The following HS2ST1 variants were observed in gnomAD, a reference collection of about 807,000 sequenced individuals.
HS2ST1 encodes the protein 2-O-sulfotransferase.
A neutral mutation model predicts 42.9 loss-of-function variants in HS2ST1; 18 were observed. The ratio of observed to expected loss-of-function variants is 0.42; its 90% confidence interval spans 0.29 to 0.62. HS2ST1 has a LOEUF of 0.62. HS2ST1 is among the 20% of genes least tolerant of loss of function. The pLI is 0.21. For synonymous variants in HS2ST1, 146 were observed against 152.9 expected (o/e 0.95, Z 0.33); for missense variants, 334 against 433.8 (o/e 0.77, Z 2.04).
chr1:87,050,611 T>C (rs1329789726), intron 1 of HS2ST1, among the ~76,000 whole-genome samples: 1 of 152,106 alleles, frequency 6.6e-6, no homozygotes, highest in Non-Finnish European at 1.5e-5. Context: ...ATCTTCTGTT[T>C]GTTATTGATT....
chr1:86,999,133 G>A (rs1483094470), intron 1 of HS2ST1, among the ~76,000 whole-genome samples: 1 of 152,102 alleles, frequency 6.6e-6, no homozygotes, highest in Non-Finnish European at 1.5e-5. Flanking sequence ...GAATATCTTA[G>A]AGGCTGATAT....
chr1:87,087,081 G>A (rs759597387), intron 3 of HS2ST1, among the ~76,000 whole-genome samples: 1 of 151,886 alleles, frequency 6.6e-6, no homozygotes, highest in East Asian at 1.9e-4. Flanking sequence ...AGTTCATGAA[G>A]TTTTATTATA....
intron 1 of HS2ST1, among the ~76,000 whole-genome samples, chr1:86,978,691 T>C (rs1037369772): frequency 3.9e-5 from 6 of 152,076 alleles, no homozygotes; most frequent in African/African-American, 1.4e-4. Context: ...ACATTCCAAC[T>C]GAATAATTAC....
chr1:86,936,933 TAAAAAA>T (rs60940882), intron 1 of HS2ST1, among the ~76,000 whole-genome samples: 1 of 98,402 alleles, frequency 1.0e-5, no homozygotes, highest in African/African-American at 3.8e-5. Flanking sequence ...CCGTCTCTAC[TAAAAAA>T]AAAAAAAAAA....
chr1:87,077,031 A>G (rs1651563302), intron 2 of HS2ST1, among the ~76,000 whole-genome samples: 1 of 152,182 alleles, frequency 6.6e-6, no homozygotes. Context: ...TATGCTAATC[A>G]CTGGTTAAAA....
At chr1:87,075,332 A>G (rs1322645750) in intron 2 of HS2ST1, among the ~76,000 whole-genome samples, 1 of 151,676 alleles carries the variant, frequency 6.6e-6, no homozygotes, top group Non-Finnish European at 1.5e-5. Flanking sequence ...ACGCCCAGCT[A>G]ATTTTTGTAT....
At chr1:86,942,108 C>T (rs932200231) in intron 1 of HS2ST1, among the ~76,000 whole-genome samples, 1 of 152,162 alleles carries the variant, frequency 6.6e-6, no homozygotes, top group Non-Finnish European at 1.5e-5. Context: ...AAAATGCTTG[C>T]AAACCTAGGC....
At position 86,985,439 on chromosome 1, in the gene HS2ST1, T is replaced by C. The variant is rs1276795035; in HGVS notation, c.124+70279T>C. Among the ~76,000 whole-genome samples, 227 of 36,388 alleles carry C rather than the reference T, an allele frequency of 6.2e-3. 69 individuals carry two copies. Among genetic ancestry groups the C allele is most frequent in the East Asian group, 0.039 (7 of 178 alleles). 23.9% of individuals were successfully genotyped at this position (36,388 alleles called of 152,430 possible). A position where few individuals can be genotyped will look rare whatever the true frequency, so the allele number is the denominator to read the frequency against. On this transcript the variant is annotated intron_variant, in intron 1 of 6. Coordinates refer to ENST00000370550, the MANE Select transcript of HS2ST1 (RefSeq NM_012262.4). Reference sequence around the variant, plus strand: ...ATATATACACATATATACACACATATATACACATATATACACACATATATA... The same window carrying C: ...ATATATACACATATATACACACATACATACACATATATACACACATATATA...
intron 1 of HS2ST1, among the ~76,000 whole-genome samples, chr1:87,015,348 G>GTTTTT (rs35791774): frequency 2.3e-5 from 3 of 131,772 alleles, no homozygotes; most frequent in African/African-American, 8.7e-5. Flanking sequence ...GCCTGGCCCT[G>GTTTTT]TTTTTTTTTT....
At chr1:86,951,244 G>A (rs1241658822) in intron 1 of HS2ST1, among the ~76,000 whole-genome samples, 1 of 152,136 alleles carries the variant, frequency 6.6e-6, no homozygotes, top group Non-Finnish European at 1.5e-5. Context: ...CTTAAAGCTA[G>A]GCAACTGTAG....
rs1267938301 is a variant in HS2ST1, at chr1:86,931,453, A to T, written c.124+16293A>T. Among the ~76,000 whole-genome samples, 3 of 152,036 alleles carry T rather than the reference A, an allele frequency of 2.0e-5. 1 individual carries two copies. The highest frequency in any genetic ancestry group is 4.4e-5 in the Non-Finnish European group (3 of 67,954). On this transcript the variant is annotated intron_variant, in intron 1 of 6. Transcript: ENST00000370550. ...GATCTCTATATGTAACCCTTACTTC[A>T]GATTCTGAGGTAATTTGGAGTGATA... is the stretch of plus-strand genomic sequence containing the variant.
At chr1:87,057,251 C>G (rs965515876) in intron 1 of HS2ST1, among the ~76,000 whole-genome samples, 2 of 152,012 alleles carry the variant, frequency 1.3e-5, no homozygotes, top group Non-Finnish European at 2.9e-5. Context: ...CTAGATGTAA[C>G]CCACATAAAC....
At chr1:87,067,200 T>C (rs6685983) in intron 1 of HS2ST1, among the ~76,000 whole-genome samples, 152,208 of 152,208 alleles carry the variant, frequency 1, 76,104 homozygotes, top group Non-Finnish European at 1. Context: ...AGTGTAAAAG[T>C]GTTCCTATTT....
chr1:87,019,883 T>C (rs563286940), intron 1 of HS2ST1, among the ~76,000 whole-genome samples: 128 of 152,330 alleles, frequency 8.4e-4, no homozygotes, highest in Non-Finnish European at 1.3e-3. Flanking sequence ...ACAGAGTGTG[T>C]TTGTGCTGTC....
chr1:86,961,861 C>G (rs895631142), intron 1 of HS2ST1, among the ~76,000 whole-genome samples: 3 of 152,096 alleles, frequency 2.0e-5, no homozygotes, highest in African/African-American at 7.2e-5. Flanking sequence ...AGGAATCATA[C>G]AATTTGTGAC....
intron 1 of HS2ST1, among the ~76,000 whole-genome samples, chr1:87,002,619 A>G (rs1362116250): frequency 6.6e-6 from 1 of 151,626 alleles, no homozygotes; most frequent in Non-Finnish European, 1.5e-5. Flanking sequence ...CAAAAAAAAA[A>G]AAAAGAAAAA....
At chr1:87,020,105 TA>T (rs1649897844) in intron 1 of HS2ST1, among the ~76,000 whole-genome samples, 1 of 152,232 alleles carries the variant, frequency 6.6e-6, no homozygotes, top group Non-Finnish European at 1.5e-5. Context: ...TTGGCCTTTT[TA>T]TTACGTGACA....
At chr1:87,060,609 A>G (rs2100622606) in intron 1 of HS2ST1, among the ~76,000 whole-genome samples, 1 of 152,304 alleles carries the variant, frequency 6.6e-6, no homozygotes, top group South Asian at 2.1e-4. Flanking sequence ...CAGATGATAT[A>G]CATAAAACAC....
chr1:87,104,391 T>G, intron 6 of HS2ST1, 79 bp from the exon 7 acceptor site: 1 of 890,940 alleles, frequency 1.1e-6, no homozygotes, highest in Non-Finnish European at 1.8e-6. Flanking sequence ...TAACCACCTC[T>G]TCAAATAAAG....
Sources: allele counts gnomAD v4.1 joint callset (sites outside exome capture counted in the v4.1 genomes callset), GRCh38; gene constraint gnomAD v4.1.1; transcripts MANE v1.5; gene names NCBI Gene and HGNC (gene_info 2026-07-23, HGNC 2026-07-21).